PXDNL: variants seen among roughly 807,000 people sequenced by gnomAD.
The protein encoded by PXDNL is probable oxidoreductase PXDNL.
Under a neutral mutation model 150.8 loss-of-function variants are expected in PXDNL, and 145 were observed. The ratio of observed to expected loss-of-function variants is 0.96; its 90% CI spans 0.84 to 1.10. The LOEUF (loss-of-function observed/expected upper bound fraction) is 1.10. PXDNL is among the 50% of genes least tolerant of loss of function. The probability of loss-of-function intolerance (pLI) is 0.00; values close to 1 mark genes in which losing one functional copy is unlikely to be tolerated. For missense variants in PXDNL, 2,087 were observed against 1,873.9 expected, an observed-to-expected ratio of 1.11 and a Z score of -2.10; for synonymous variants, 757 against 725.7, an observed-to-expected ratio of 1.04 and a Z score of -0.69.
chr8:51,587,449 G>T (rs892365169), intron 3 of PXDNL, among the ~76,000 whole-genome samples: 1 of 152,050 alleles, frequency 6.6e-6, no homozygotes, highest in Non-Finnish European at 1.5e-5. Context: ...TGCCCAAGGG[G>T]ATCAGAGATA....
At chr8:51,552,273 G>C (rs1812505587) in intron 4 of PXDNL, among the ~76,000 whole-genome samples, 1 of 152,160 alleles carries the variant, frequency 6.6e-6, no homozygotes, top group Non-Finnish European at 1.5e-5. Flanking sequence ...ACAGTATGGA[G>C]ATTCTTAAAG....
At chr8:51,788,822 G>T (rs2037483629) in intron 1 of PXDNL, among the ~76,000 whole-genome samples, 1 of 152,128 alleles carries the variant, frequency 6.6e-6, no homozygotes, top group Non-Finnish European at 1.5e-5. Context: ...CTCAAGTAGA[G>T]GTGTTCCAAG....
intron 17 of PXDNL, among the ~76,000 whole-genome samples, chr8:51,397,872 A>G (rs111449868): frequency 3.9e-5 from 6 of 152,054 alleles, no homozygotes; most frequent in African/African-American, 1.4e-4. Context: ...GTCTTTTAGC[A>G]TTACATATAT....
chr8:51,428,047 A>T (rs1400812209), intron 12 of PXDNL, among the ~76,000 whole-genome samples: 3 of 152,248 alleles, frequency 2.0e-5, no homozygotes, highest in Non-Finnish European at 4.4e-5. Flanking sequence ...ATGTATTAAT[A>T]TATAGATAGT....
At chr8:51,664,316 CTT>C (rs1815336101) in intron 1 of PXDNL, among the ~76,000 whole-genome samples, 1 of 152,144 alleles carries the variant, frequency 6.6e-6, no homozygotes, top group African/African-American at 2.4e-5. Context: ...GAATTGCTAA[CTT>C]TGTCATTCTG....
chr8:51,660,034 C>T (rs191976536), intron 1 of PXDNL, among the ~76,000 whole-genome samples: 75 of 151,998 alleles, frequency 4.9e-4, no homozygotes, highest in Middle Eastern at 3.4e-3. Context: ...GGATTGCAGG[C>T]GCCCACCACC....
At chr8:51,403,616 C>T (rs574342259) in intron 17 of PXDNL, among the ~76,000 whole-genome samples, 1 of 152,288 alleles carries the variant, frequency 6.6e-6, no homozygotes, top group East Asian at 1.9e-4. Context: ...CAGTCTTTAC[C>T]CTACTTCTCA....
chr8:51,614,566 G>C (rs1386010941), intron 2 of PXDNL, among the ~76,000 whole-genome samples: 1 of 152,080 alleles, frequency 6.6e-6, no homozygotes, highest in Non-Finnish European at 1.5e-5. Flanking sequence ...ACCAATTCAC[G>C]AATTGTTACT....
intron 1 of PXDNL, among the ~76,000 whole-genome samples, chr8:51,752,993 G>T (rs77807051): frequency 0.056 from 8,587 of 152,286 alleles, 273 homozygotes; most frequent in African/African-American, 0.09. Context: ...GAAAGGCTTC[G>T]TGGCGACTGC....
intron 3 of PXDNL, among the ~76,000 whole-genome samples, chr8:51,585,083 T>C (rs1178437199): frequency 6.6e-6 from 1 of 152,114 alleles, no homozygotes; most frequent in Non-Finnish European, 1.5e-5. Flanking sequence ...CACAGATATT[T>C]AGTTTGGATG....
intron 4 of PXDNL, among the ~76,000 whole-genome samples, chr8:51,546,190 G>GT (rs1369083888): frequency 1.3e-5 from 2 of 152,194 alleles, no homozygotes; most frequent in African/African-American, 4.8e-5. Context: ...TTCCTAAATT[G>GT]TTAGAGGGGG....
intron 4 of PXDNL, among the ~76,000 whole-genome samples, chr8:51,524,561 A>G (rs1287975315): frequency 6.6e-6 from 1 of 152,204 alleles, no homozygotes; most frequent in African/African-American, 2.4e-5. Context: ...GGAGTGAAGC[A>G]CAAAACATAA....
chr8:51,346,987 T>C (rs1210527052), intron 19 of PXDNL, among the ~76,000 whole-genome samples: 2 of 151,880 alleles, frequency 1.3e-5, no homozygotes, highest in African/African-American at 2.4e-5. Context: ...ATTTTGAAAA[T>C]GAAAAAGAAT....
intron 1 of PXDNL, among the ~76,000 whole-genome samples, chr8:51,719,183 T>G (rs111888964): frequency 0.047 from 7,119 of 152,268 alleles, 529 homozygotes; most frequent in African/African-American, 0.15. Flanking sequence ...GAATGATGGC[T>G]GTTTTGTCGA....
chr8:51,422,807 G>A (rs2129728642), intron 14 of PXDNL, among the ~76,000 whole-genome samples: 1 of 152,286 alleles, frequency 6.6e-6, no homozygotes, highest in East Asian at 1.9e-4. Context: ...CAGACATGCT[G>A]TGCTTTCCTT....
At chr8:51,799,184 CA>C (rs2129262127) in intron 1 of PXDNL, among the ~76,000 whole-genome samples, 2 of 152,196 alleles carry the variant, frequency 1.3e-5, no homozygotes, top group South Asian at 4.1e-4. Flanking sequence ...GGGAGCTGAA[CA>C]ATGAGATCAC....
intron 7 of PXDNL, among the ~76,000 whole-genome samples, chr8:51,473,580 G>T (rs1216025175): frequency 3.3e-5 from 5 of 152,066 alleles, no homozygotes; most frequent in Non-Finnish European, 5.9e-5. Context: ...CACTGAGTTG[G>T]CTACAACACT....
intron 1 of PXDNL, among the ~76,000 whole-genome samples, chr8:51,781,798 T>C (rs1430709663): frequency 6.6e-6 from 1 of 152,164 alleles, no homozygotes; most frequent in Non-Finnish European, 1.5e-5. Context: ...TCAATATCCA[T>C]TTCCAGATAT....
At chr8:51,652,457 ACAC>A (rs1563496469) in intron 2 of PXDNL, among the ~76,000 whole-genome samples, 1 of 150,744 alleles carries the variant, frequency 6.6e-6, no homozygotes, top group East Asian at 1.9e-4. Flanking sequence ...ACACACACAC[ACAC>A]AAACACACAC....
Sources: allele counts gnomAD v4.1 joint callset (sites outside exome capture counted in the v4.1 genomes callset), GRCh38; gene constraint gnomAD v4.1.1; transcripts MANE v1.5; gene names NCBI Gene and HGNC (gene_info 2026-07-23, HGNC 2026-07-21).